BSPH1: variants seen among roughly 807,000 people sequenced by gnomAD.
BSPH1 encodes the protein binder of sperm 1.
In BSPH1, 21 loss-of-function variants were observed where a neutral mutation model predicts 22.5. The ratio of observed to expected loss-of-function variants is 0.93; its 90% confidence interval spans 0.66 to 1.35. BSPH1 has a LOEUF of 1.35. Ranked by LOEUF, BSPH1 falls within the 40% of genes most tolerant of loss-of-function variation. The pLI is 0.00. For synonymous variants in BSPH1, 42 were observed against 53.6 expected, an observed-to-expected ratio of 0.78 and a Z score of 0.95; for missense variants, 141 against 154.2, an observed-to-expected ratio of 0.91 and a Z score of 0.45.
rs147623821 is a variant in BSPH1, at chr19:47,976,832, G to C, written c.279C>G (p.Pro93=). The part of the protein sequence containing the change: ...SAEDFANCVF[P]FWYRRLIYWE... ...AGTAGATCAAGCGTCTGTACCAGAA[G>C]GGAAATACACAGTTTGCAAAATCTG... The change falls in exon 5 of 6, where the codon CCC becomes CCG. Residue 93 remains proline, a synonymous_variant. Coordinates refer to ENST00000344839, the MANE Select transcript of BSPH1 (RefSeq NM_001128326.2). 1.4e-3 allele frequency: 2,132 copies of C among 1,551,560 alleles called. 3 individuals are homozygous for C. Among genetic ancestry groups the C allele is most frequent in the Non-Finnish European group, 1.7e-3 (1,961 of 1,146,950 alleles).
intron 4 of BSPH1, 123 bp from the exon 5 acceptor site, chr19:47,976,977 A>G: frequency 1.1e-6 from 1 of 901,184 alleles, no homozygotes; most frequent in Non-Finnish European, 1.7e-6. Context: ...ACAAATGTGC[A>G]CACATACACA....
intron 4 of BSPH1, 128 bp from the exon 5 acceptor site, chr19:47,976,982 T>C: frequency 1.2e-6 from 1 of 862,676 alleles, no homozygotes; most frequent in South Asian, 1.7e-5. Context: ...TGTGCACACA[T>C]ACACATGCAC....
At chr19:47,988,424 T>C (rs958893338) in intron 1 of BSPH1, among the ~76,000 whole-genome samples, 1 of 152,140 alleles carries the variant, frequency 6.6e-6, no homozygotes, top group African/African-American at 2.4e-5. Flanking sequence ...AAAGTCTTGC[T>C]TGAGGCCACA....
At chr19:47,979,170 C>T (rs553406102) in intron 3 of BSPH1, among the ~76,000 whole-genome samples, 1 of 151,856 alleles carries the variant, frequency 6.6e-6, no homozygotes, top group Admixed American at 6.6e-5. Flanking sequence ...TTCCTTCCTC[C>T]CTCCTCCTCC....
chr19:47,989,159 T>TTATTATTA (rs1382043286), intron 1 of BSPH1, among the ~76,000 whole-genome samples: 2 of 139,874 alleles, frequency 1.4e-5, no homozygotes, highest in Admixed American at 1.4e-4. Flanking sequence ...ATTATTATTA[T>TTATTATTA]TTTGAGATGG....
chr19:47,970,539 G>A (rs576970899), intron 5 of BSPH1, among the ~76,000 whole-genome samples: 1 of 152,332 alleles, frequency 6.6e-6, no homozygotes, highest in Admixed American at 6.5e-5. Flanking sequence ...ACTTGATGCG[G>A]ATCGCAAGAT....
At chr19:47,977,563 C>A in intron 3 of BSPH1, 59 bp from the exon 4 acceptor site, 2 of 1,533,744 alleles carry the variant, frequency 1.3e-6, no homozygotes, top group South Asian at 1.2e-5. Context: ...GGTTATCAAG[C>A]GACTGTCTTC....
intron 5 of BSPH1, among the ~76,000 whole-genome samples, chr19:47,975,200 TG>T (rs1969350098): frequency 6.6e-6 from 1 of 152,202 alleles, no homozygotes; most frequent in Non-Finnish European, 1.5e-5. Flanking sequence ...TTTCCTTTCA[TG>T]TTTTTTTCCT....
At chr19:47,970,819 T>G (rs550349518) in intron 5 of BSPH1, among the ~76,000 whole-genome samples, 9 of 152,302 alleles carry the variant, frequency 5.9e-5, no homozygotes, top group African/African-American at 2.2e-4. Flanking sequence ...TCTTCAGTCT[T>G]TGTGCTTCTG....
chr19:47,971,435 A>T (rs1969310638), intron 5 of BSPH1, among the ~76,000 whole-genome samples: 1 of 152,098 alleles, frequency 6.6e-6, no homozygotes, highest in South Asian at 2.1e-4. Flanking sequence ...CGAATTTCTG[A>T]CCTCAGGTGA....
intron 1 of BSPH1, chr19:47,981,718 C>T (rs1969421913): frequency 5.6e-5 from 54 of 964,338 alleles, no homozygotes; most frequent in Non-Finnish European, 6.3e-5. Context: ...CAAGTCCTCC[C>T]CAGTTTGAAT....
intron 1 of BSPH1, among the ~76,000 whole-genome samples, chr19:47,991,098 G>T (rs1374462307): frequency 6.6e-6 from 1 of 152,086 alleles, no homozygotes; most frequent in African/African-American, 2.4e-5. Context: ...GCCCTCCATG[G>T]CGACTGGGAT....
chr19:47,981,097 A>T (rs770374176), intron 1 of BSPH1, among the ~76,000 whole-genome samples, 156 bp from the exon 2 acceptor site: 3 of 152,182 alleles, frequency 2.0e-5, no homozygotes, highest in Non-Finnish European at 4.4e-5. Context: ...ATTGTGGGTG[A>T]TTTCTTACTT....
chr19:47,980,837 C>A, intron 2 of BSPH1, 84 bp downstream of exon 2: 2 of 702,714 alleles, frequency 2.8e-6, no homozygotes, highest in South Asian at 1.9e-5. Context: ...GATTTCTTAC[C>A]AGGAAAGGGA....
chr19:47,987,145 C>A (rs1969478653), intron 1 of BSPH1, among the ~76,000 whole-genome samples: 1 of 152,190 alleles, frequency 6.6e-6, no homozygotes, highest in South Asian at 2.1e-4. Flanking sequence ...ATTCACAGAT[C>A]TCTGGTAAAC....
chr19:47,969,890 G>GTGTGAGAGAGAGACTTTAGAATTTATGTT (rs1969296297), intron 5 of BSPH1, among the ~76,000 whole-genome samples: 1 of 151,842 alleles, frequency 6.6e-6, no homozygotes, highest in Non-Finnish European at 1.5e-5. Context: ...ATTTTTGTGT[G>GTGTGAGAGAGAGACTTTAGAATTTATGTT]TGTGAGAGAG....
chr19:47,972,589 C>T (rs936646725), intron 5 of BSPH1, among the ~76,000 whole-genome samples: 15 of 151,830 alleles, frequency 9.9e-5, no homozygotes, highest in African/African-American at 2.4e-4. Flanking sequence ...GATATAGTTA[C>T]GTGAACCAAA....
At chr19:47,977,674 C>A in intron 3 of BSPH1, 170 bp from the exon 4 acceptor site, 1 of 985,214 alleles carries the variant, frequency 1.0e-6, no homozygotes, top group Non-Finnish European at 1.2e-6. Flanking sequence ...AATGACAAAG[C>A]TCTTTTGTTT....
rs558874729 is a variant in BSPH1 at position 47,976,354 on chromosome 19, A to C, written c.*2+356T>G. Among the ~76,000 whole-genome samples, 3 of 150,866 alleles carry C rather than the reference A, an allele frequency of 2.0e-5. 1 individual carries two copies. In the South Asian group the frequency reaches 6.3e-4, roughly 32 times the overall value. On this transcript the variant is annotated intron_variant, in intron 5 of 5. Transcript: ENST00000344839. ...CTATGTTGGTCCAGGCTGGTCTTGA[A>C]CTCCTGGCCTCAAGCAGTCCTTCCT... is the stretch of plus-strand genomic sequence containing the variant.
Sources: allele counts gnomAD v4.1 joint callset (sites outside exome capture counted in the v4.1 genomes callset), GRCh38; gene constraint gnomAD v4.1.1; transcripts MANE v1.5; gene names NCBI Gene and HGNC (gene_info 2026-07-23, HGNC 2026-07-21).